SLC6A5: variants seen among roughly 807,000 people sequenced by gnomAD.
The protein encoded by SLC6A5 is sodium- and chloride-dependent glycine transporter 2.
SLC6A5 carries 58 observed loss-of-function variants against 90.5 expected under a neutral mutation model. The ratio of observed to expected loss-of-function variants is 0.64; its 90% CI spans 0.52 to 0.80. The LOEUF is 0.80. Among genes scored for constraint, SLC6A5 ranks in the 30% least tolerant of loss-of-function variants. The pLI is 0.00. For synonymous variants in SLC6A5, 427 were observed against 401.4 expected, an observed-to-expected ratio of 1.06 and a Z score of -0.76; for missense variants, 1,015 against 1,017.6, an observed-to-expected ratio of 1.00 and a Z score of 0.03.
At position 20,656,517 on chromosome 11, in the gene SLC6A5, T is replaced by A. The variant is rs1013724794; in HGVS notation, c.*1649T>A. 6.6e-6 allele frequency: 1 copy of A among 152,200 alleles called. No homozygotes were observed. The highest frequency in any genetic ancestry group is 1.5e-5 in the Non-Finnish European group (1 of 68,034). 9.4% of individuals were successfully genotyped at this position (152,200 alleles called of 1,614,324 possible). A position where few individuals can be genotyped will look rare whatever the true frequency, so the allele number is the denominator to read the frequency against. ...AACAGGCTTTAATGTACATTTTTTT[T>A]TAAAAGATTTCATTTGTTAAAAAAA... On this transcript the variant is annotated 3_prime_UTR_variant, in exon 16 of 16. Coordinates refer to ENST00000525748, the MANE Select transcript of SLC6A5 (RefSeq NM_004211.5).
rs1853660899 is a variant in SLC6A5, at chr11:20,658,258, T to TC, written c.*3393dup. The TC allele has an allele frequency of 1.3e-5, 2 of 152,182 alleles. No individual in the cohort carries two copies. The highest frequency in any genetic ancestry group is 2.9e-5 in the Non-Finnish European group (2 of 68,044). 9.4% of individuals were successfully genotyped at this position (152,182 alleles called of 1,614,324 possible). On this transcript the variant is annotated 3_prime_UTR_variant, in exon 16 of 16. Transcript: ENST00000525748. ...AAGTAAGATTTTCTTTTCTCTTTGT[T>TC]CCCTTGGCTGTAGGTCATTGTCCTC...
intron 14 of SLC6A5, among the ~76,000 whole-genome samples, chr11:20,647,960 C>A (rs188414096): frequency 6.6e-6 from 1 of 152,300 alleles, no homozygotes; most frequent in East Asian, 1.9e-4. Context: ...AGATCAGAGC[C>A]TTTCACGTTT....
chr11:20,623,512 C>T (rs529612431), intron 7 of SLC6A5, among the ~76,000 whole-genome samples: 1 of 152,316 alleles, frequency 6.6e-6, no homozygotes, highest in Non-Finnish European at 1.5e-5. Context: ...GCTGTGGCCT[C>T]CTTACTGTTA....
At chr11:20,634,499 A>G (rs1434620443) in intron 10 of SLC6A5, among the ~76,000 whole-genome samples, 2 of 152,270 alleles carry the variant, frequency 1.3e-5, no homozygotes, top group Admixed American at 1.3e-4. Context: ...TAAAGTGAGC[A>G]GCTGAGGACC....
chr11:20,606,818 T>C (rs937069028), intron 3 of SLC6A5, among the ~76,000 whole-genome samples, 189 bp from the exon 4 acceptor site: 5 of 152,218 alleles, frequency 3.3e-5, no homozygotes, highest in East Asian at 1.9e-4. Flanking sequence ...TTATACTTTT[T>C]GGAGGAAGGC....
chr11:20,606,210 G>T (rs1852577831), intron 3 of SLC6A5, among the ~76,000 whole-genome samples: 1 of 152,232 alleles, frequency 6.6e-6, no homozygotes, highest in Admixed American at 6.5e-5. Flanking sequence ...CTCTATGGAG[G>T]CCTGCCAAGT....
intron 13 of SLC6A5, among the ~76,000 whole-genome samples, chr11:20,642,032 A>G (rs932844840): frequency 6.6e-6 from 1 of 152,104 alleles, no homozygotes; most frequent in Non-Finnish European, 1.5e-5. Context: ...AGTAACTACA[A>G]AAGAATGACT....
chr11:20,624,985 G>A (rs1199181921), intron 7 of SLC6A5, among the ~76,000 whole-genome samples: 2 of 152,162 alleles, frequency 1.3e-5, no homozygotes, highest in Admixed American at 6.5e-5. Flanking sequence ...TGGACACTGA[G>A]GGTCAGAGAC....
At position 20,610,899 on chromosome 11, in the gene SLC6A5, C is replaced by G. The variant is rs191701887; in HGVS notation, c.985+3247C>G. 3.9e-5 allele frequency among the ~76,000 whole-genome samples: 6 copies of G among 152,232 alleles called. No individual in the cohort carries two copies. In the East Asian group the frequency reaches 1.2e-3, roughly 29 times the overall value. On this transcript the variant is annotated intron_variant, in intron 5 of 15. Transcript: ENST00000525748. ...GCTAAATATCCTGCAATGCACAGGA[C>G]GGTCCCACAGCCAAGAATTACTAAA... is the stretch of plus-strand genomic sequence containing the variant.
intron 6 of SLC6A5, among the ~76,000 whole-genome samples, chr11:20,615,376 T>G (rs1215270657): frequency 1.3e-5 from 2 of 152,186 alleles, no homozygotes; most frequent in African/African-American, 2.4e-5. Context: ...TTCTTTCCTT[T>G]TTTTTCTTTT....
intron 14 of SLC6A5, among the ~76,000 whole-genome samples, chr11:20,651,517 A>G (rs1853531539): frequency 1.4e-5 from 2 of 145,952 alleles, no homozygotes; most frequent in African/African-American, 5.1e-5. Context: ...CAGGTGATCC[A>G]CCGCCTCAGC....
In SLC6A5 at chr11:20,647,530, C is replaced by T. The variant is rs534102284; in HGVS notation, c.2070+596C>T. 1.4e-3 allele frequency among the ~76,000 whole-genome samples: 209 copies of T among 149,404 alleles called. 1 individual carries two copies. Among genetic ancestry groups the T allele is most frequent in the South Asian group, 2.8e-3 (13 of 4,656 alleles). ...ATGGAACATTTCCTATGGCACATTT[C>T]CCATTATATCAGTCTGCTTTATGTA... On this transcript the variant is annotated intron_variant, in intron 14 of 15. Coordinates refer to ENST00000525748, the MANE Select transcript of SLC6A5 (RefSeq NM_004211.5).
At chr11:20,653,351 G>A (rs1000695200) in intron 15 of SLC6A5, among the ~76,000 whole-genome samples, 18 of 152,158 alleles carry the variant, frequency 1.2e-4, no homozygotes, top group Admixed American at 2.6e-4. Flanking sequence ...GGGGAAATGG[G>A]ACCCTGGCAT....
intron 7 of SLC6A5, 100 bp from the exon 8 acceptor site, chr11:20,626,608 T>G: frequency 7.5e-7 from 1 of 1,328,028 alleles, no homozygotes; most frequent in South Asian, 1.2e-5. Flanking sequence ...ATGTGCTCTC[T>G]GTCATGCGCA....
At chr11:20,630,918 T>A in intron 10 of SLC6A5, 103 bp downstream of exon 10, 1 of 1,375,326 alleles carries the variant, frequency 7.3e-7, no homozygotes, top group Non-Finnish European at 1.0e-6. Flanking sequence ...TGGAACAGGA[T>A]AGAGGGTGGA....
Position 20,656,604 on chromosome 11 carries a change from C to T in SLC6A5, c.*1736C>T, listed in dbSNP as rs1853639973. The T allele has an allele frequency of 6.6e-6, 1 of 152,136 alleles. No homozygotes were observed. Among genetic ancestry groups the T allele is most frequent in the Non-Finnish European group, 1.5e-5 (1 of 68,036 alleles). The allele number at this position is 152,136 out of a possible 1,614,324, so 9.4% of individuals were successfully genotyped here. ...GGCAAGTATCATCGCCATTTGCCAACATCAATATGAACTTCCAGTTTTTAA... is the reference window on the plus strand; with the variant it reads ...GGCAAGTATCATCGCCATTTGCCAATATCAATATGAACTTCCAGTTTTTAA... On this transcript the variant is annotated 3_prime_UTR_variant, in exon 16 of 16. Transcript: ENST00000525748.
intron 9 of SLC6A5, among the ~76,000 whole-genome samples, chr11:20,629,697 G>C (rs1354712122): frequency 2.0e-5 from 3 of 149,410 alleles, no homozygotes; most frequent in Non-Finnish European, 4.4e-5. Flanking sequence ...ATAAATTGTT[G>C]TTAATATAGT....
At chr11:20,623,078 C>G (rs1377420917) in intron 7 of SLC6A5, among the ~76,000 whole-genome samples, 1 of 152,176 alleles carries the variant, frequency 6.6e-6, no homozygotes, top group Non-Finnish European at 1.5e-5. Flanking sequence ...TAGAGAGGAG[C>G]TGGCTGCTGC....
At position 20,651,956 on chromosome 11, in the gene SLC6A5, C is replaced by T. The variant is rs72932993; in HGVS notation, c.2071-333C>T. On this transcript the variant is annotated intron_variant, in intron 14 of 15. Transcript: ENST00000525748. ...AATACAGAGAACTCCTTAAAAACAC[C>T]CACTATCACCCCTGCCCACCTCTGC... Among the ~76,000 whole-genome samples, 3 of 151,762 alleles carry T rather than the reference C, an allele frequency of 2.0e-5. No homozygotes were observed. The East Asian group carries it at 5.8e-4, about 29-fold the overall frequency.
Sources: gnomAD v4.1 joint callset for allele counts (sites outside exome capture counted in the v4.1 genomes callset) on GRCh38, gnomAD v4.1.1 for gene constraint, MANE v1.5 for transcripts, NCBI Gene and HGNC (gene_info 2026-07-23, HGNC 2026-07-21) for gene names.